RANBP2: variants seen among roughly 807,000 people sequenced by gnomAD.
RANBP2 encodes the protein E3 SUMO-protein ligase RanBP2.
RANBP2 carries 57 observed loss-of-function variants against 303.6 expected under a neutral mutation model. The observed-to-expected ratio is 0.19, with a 90% CI of 0.15 to 0.23. The LOEUF is 0.23. Ranked by LOEUF, RANBP2 falls within the 10% of genes least tolerant of loss-of-function variation. The probability of loss-of-function intolerance (pLI) is 1.00; values close to 1 mark genes in which losing one functional copy is unlikely to be tolerated. For missense variants in RANBP2, 3,138 were observed against 3,780.8 expected (o/e 0.83, Z 4.46); for synonymous variants, 1,167 against 1,301.5 (o/e 0.90, Z 2.23).
At chr2:108,786,252 CT>C (rs5833304), downstream of RANBP2, among the ~76,000 whole-genome samples, 568 of 136,008 alleles carry the variant, frequency 4.2e-3, no homozygotes, top group Admixed American at 5.3e-3. Flanking sequence ...TCAGCTTTCC[CT>C]TTTTTTTTTT....
the RANBP2 span, among the ~76,000 whole-genome samples, chr2:109,380,781 G>C: frequency 6.6e-6 from 1 of 152,182 alleles, no homozygotes; most frequent in Non-Finnish European, 1.5e-5. Context: ...CTGCCCACCA[G>C]GTGCCCCCCA....
chr2:108,792,502 C>T, the RANBP2 span, among the ~76,000 whole-genome samples: 649 of 152,250 alleles, frequency 4.3e-3, 6 homozygotes, highest in Middle Eastern at 0.02. Flanking sequence ...TTGCACCAAC[C>T]TCATATTTGA....
the RANBP2 span, among the ~76,000 whole-genome samples, chr2:109,339,241 C>A: frequency 7.0e-6 from 1 of 143,040 alleles, no homozygotes; most frequent in Non-Finnish European, 1.5e-5. Flanking sequence ...TAGACCCTTG[C>A]AGTTTAAACC....
chr2:109,627,228 G>T, the RANBP2 span, among the ~76,000 whole-genome samples: 4 of 152,110 alleles, frequency 2.6e-5, no homozygotes. Context: ...ATGGGGTCTC[G>T]CTCTGTCACC....
chr2:109,099,933 T>C, the RANBP2 span, among the ~76,000 whole-genome samples: 1 of 152,226 alleles, frequency 6.6e-6, no homozygotes, highest in Admixed American at 6.5e-5. Context: ...ACTTTGGTTT[T>C]CAGTTTCCAC....
chr2:109,447,910 C>T, the RANBP2 span, among the ~76,000 whole-genome samples: 1 of 152,174 alleles, frequency 6.6e-6, no homozygotes, highest in Admixed American at 6.5e-5. Flanking sequence ...GTTTTGTAAA[C>T]CTGGAAGCCC....
chr2:108,990,433 G>A, the RANBP2 span, among the ~76,000 whole-genome samples: 4 of 84,342 alleles, frequency 4.7e-5, no homozygotes, highest in Non-Finnish European at 6.3e-5. Context: ...GCGAGACTCC[G>A]TCTCAAAAAA....
At chr2:108,870,940 A>T in the RANBP2 span, among the ~76,000 whole-genome samples, 1 of 152,254 alleles carries the variant, frequency 6.6e-6, no homozygotes, top group Middle Eastern at 3.2e-3. Context: ...CTGAAAACTT[A>T]AAAATGGTTA....
At chr2:108,990,355 C>T in the RANBP2 span, among the ~76,000 whole-genome samples, 4 of 145,402 alleles carry the variant, frequency 2.8e-5, no homozygotes, top group South Asian at 4.3e-4. Context: ...GGCGTGAACC[C>T]GGGAAGCGGA....
chr2:109,084,976 C>A, the RANBP2 span, among the ~76,000 whole-genome samples: 1 of 152,140 alleles, frequency 6.6e-6, no homozygotes, highest in Non-Finnish European at 1.5e-5. Flanking sequence ...AACACCTGAG[C>A]CTGACCTGGT....
the RANBP2 span, among the ~76,000 whole-genome samples, chr2:109,180,345 A>G: frequency 6.6e-6 from 1 of 151,916 alleles, no homozygotes; most frequent in East Asian, 1.9e-4. Flanking sequence ...TCCTGATTCC[A>G]TTTCCCAAAA....
the RANBP2 span, chr2:109,398,978 G>A: frequency 1.9e-6 from 3 of 1,561,574 alleles, no homozygotes; most frequent in South Asian, 1.2e-5. Context: ...GCATCCCTGG[G>A]TTCTCTGGGG....
the RANBP2 span, among the ~76,000 whole-genome samples, chr2:108,892,719 T>C: frequency 5.2e-4 from 79 of 152,294 alleles, no homozygotes; most frequent in Middle Eastern, 3.4e-3. Flanking sequence ...GCTGGGGATC[T>C]GGGCCACTGG....
At chr2:109,738,333 ATTT>A in the RANBP2 span, among the ~76,000 whole-genome samples, 1 of 104,862 alleles carries the variant, frequency 9.5e-6, no homozygotes, top group Admixed American at 1.0e-4. Flanking sequence ...TTGTTTTTTT[ATTT>A]ATTTTGAGAT....
the RANBP2 span, among the ~76,000 whole-genome samples, chr2:109,249,473 C>CG: frequency 2.6e-4 from 5 of 19,584 alleles, no homozygotes; most frequent in African/African-American, 1.7e-3. Flanking sequence ...CTTTCTCTTT[C>CG]TTTCTTTCTT....
At chr2:109,047,458 C>T in the RANBP2 span, among the ~76,000 whole-genome samples, 2 of 152,144 alleles carry the variant, frequency 1.3e-5, no homozygotes, top group African/African-American at 4.8e-5. Context: ...GGGCTTATTG[C>T]CCCCGGATTA....
the RANBP2 span, among the ~76,000 whole-genome samples, chr2:109,468,752 G>A: frequency 6.6e-6 from 1 of 151,334 alleles, no homozygotes; most frequent in Non-Finnish European, 1.5e-5. Context: ...TACTCAGGAG[G>A]CTGAGGCAGG....
chr2:108,721,500 G>A (rs1010060336), intron 1 of RANBP2, among the ~76,000 whole-genome samples: 2 of 152,086 alleles, frequency 1.3e-5, no homozygotes, highest in African/African-American at 2.4e-5. Flanking sequence ...GGATGCAGTG[G>A]CGCTATCTCG....
At chr2:108,958,537 T>C in the RANBP2 span, among the ~76,000 whole-genome samples, 5 of 152,134 alleles carry the variant, frequency 3.3e-5, no homozygotes, top group African/African-American at 9.7e-5. Flanking sequence ...GGCAAGACCC[T>C]GGACCCAGGA....
Sources: gnomAD v4.1 joint callset for allele counts (sites outside exome capture counted in the v4.1 genomes callset) on GRCh38, gnomAD v4.1.1 for gene constraint, MANE v1.5 for transcripts, NCBI Gene and HGNC (gene_info 2026-07-23, HGNC 2026-07-21) for gene names.